SNX31: variants seen among roughly 807,000 people sequenced by gnomAD.
SNX31 encodes sorting nexin-31.
In SNX31, 58 loss-of-function variants were observed where a neutral mutation model predicts 65.4. The ratio of observed to expected loss-of-function variants is 0.89; its 90% CI spans 0.72 to 1.10. SNX31 has a LOEUF of 1.10. Ranked by LOEUF, SNX31 falls within the 50% of genes least tolerant of loss-of-function variation. The probability of loss-of-function intolerance (pLI) is 0.00; values close to 1 mark genes in which losing one functional copy is unlikely to be tolerated. For synonymous variants in SNX31, 181 were observed against 190.1 expected (o/e 0.95, Z 0.39); for missense variants, 523 against 529.7 (o/e 0.99, Z 0.12).
chr8:100,623,299 G>C (rs192598466), intron 4 of SNX31, among the ~76,000 whole-genome samples: 44 of 152,268 alleles, frequency 2.9e-4, no homozygotes, highest in African/African-American at 1.1e-3. Context: ...ACAGCAACAA[G>C]GGGGAGGGCG....
chr8:100,628,856 G>A (rs1007351145), intron 4 of SNX31, among the ~76,000 whole-genome samples: 1 of 149,760 alleles, frequency 6.7e-6, no homozygotes, highest in Non-Finnish European at 1.5e-5. Context: ...GTGTAGTCAT[G>A]TACCCCTTAA....
chr8:100,591,186 T>C (rs1814539885), intron 10 of SNX31, among the ~76,000 whole-genome samples: 4 of 152,202 alleles, frequency 2.6e-5, no homozygotes, highest in Admixed American at 2.6e-4. Context: ...AGCAGTAGGT[T>C]GGAAATTGCA....
At chr8:100,616,405 C>T (rs1393132543) in intron 5 of SNX31, among the ~76,000 whole-genome samples, 3 of 152,154 alleles carry the variant, frequency 2.0e-5, no homozygotes, top group Non-Finnish European at 4.4e-5. Context: ...CCTGCCTGGC[C>T]CCAGACACAT....
chr8:100,598,140 C>T (rs1487090678), intron 9 of SNX31, among the ~76,000 whole-genome samples: 1 of 152,224 alleles, frequency 6.6e-6, no homozygotes, highest in African/African-American at 2.4e-5. Flanking sequence ...CTCCTGATCT[C>T]ATGCTGGCAG....
At chr8:100,634,716 T>C (rs1229564715) in intron 3 of SNX31, among the ~76,000 whole-genome samples, 1 of 149,762 alleles carries the variant, frequency 6.7e-6, no homozygotes, top group Non-Finnish European at 1.5e-5. Flanking sequence ...ACCACTGCAC[T>C]CCAGCCTGGG....
At chr8:100,638,888 CA>C (rs1818958677) in intron 2 of SNX31, among the ~76,000 whole-genome samples, 1 of 152,026 alleles carries the variant, frequency 6.6e-6, no homozygotes, top group South Asian at 2.1e-4. Context: ...AATAAGATAT[CA>C]AAACACAAAA....
intron 4 of SNX31, among the ~76,000 whole-genome samples, chr8:100,623,467 C>T (rs1434863007): frequency 6.6e-6 from 1 of 152,188 alleles, no homozygotes; most frequent in Non-Finnish European, 1.5e-5. Context: ...CATCTTCAAC[C>T]TCATCCACTT....
intron 9 of SNX31, among the ~76,000 whole-genome samples, chr8:100,598,981 T>A (rs1163000884): frequency 6.6e-6 from 1 of 152,250 alleles, no homozygotes; most frequent in Non-Finnish European, 1.5e-5. Context: ...GTTAATTTCA[T>A]TCATTTCACT....
rs765125140 is a variant in SNX31, at chr8:100,649,511, T to A, written c.4A>T (p.Lys2Ter). 13 of 1,570,090 alleles carry A rather than the reference T, an allele frequency of 8.3e-6. No homozygotes were observed. In the South Asian group the frequency reaches 1.5e-4, roughly 18 times the overall value. Residue 2 changes from lysine (K) to a stop codon, truncating the protein, a stop_gained, in exon 1 of 14, where the codon AAG (lysine) becomes TAG (stop). Transcript: ENST00000311812. LOFTEE classifies it high-confidence loss of function. The stretch of plus-strand genomic sequence containing the variant: ...GACACCGGGATACAGAAATGCATCT[T>A]CATGGCTGAGCGGTGTCTTGGGAGT... M[K>*]MHFCIPVSQQ...
At chr8:100,652,746 C>T (rs1051410532), upstream of SNX31, among the ~76,000 whole-genome samples, 1 of 152,100 alleles carries the variant, frequency 6.6e-6, no homozygotes. Flanking sequence ...CTTTCCACGT[C>T]TCCTGAGTCC....
intron 3 of SNX31, among the ~76,000 whole-genome samples, chr8:100,633,600 T>A (rs1305031106): frequency 6.6e-6 from 1 of 152,082 alleles, no homozygotes; most frequent in Non-Finnish European, 1.5e-5. Flanking sequence ...AGACGGGGTT[T>A]TGCCATGTAG....
At chr8:100,595,433 C>G (rs1045757071) in intron 10 of SNX31, among the ~76,000 whole-genome samples, 4 of 152,106 alleles carry the variant, frequency 2.6e-5, no homozygotes, top group African/African-American at 9.6e-5. Context: ...CTCAGCCTCC[C>G]CAGTAGCTGG....
intron 1 of SNX31, chr8:100,657,794 C>T: frequency 2.2e-6 from 1 of 455,892 alleles, no homozygotes. Flanking sequence ...TCCCTTGAAC[C>T]TGGGAGGCAG....
At chr8:100,595,311 G>GTTTTTTTTTTTTTTT (rs765163460) in intron 10 of SNX31, among the ~76,000 whole-genome samples, 1 of 138,784 alleles carries the variant, frequency 7.2e-6, no homozygotes. Flanking sequence ...GAGGGAATTT[G>GTTTTTTTTTTTTTTT]TTGTTTTTTT....
chr8:100,649,593 G>C lies in SNX31; in HGVS notation c.-79C>G. The C allele has an allele frequency of 7.3e-7, 1 of 1,368,744 alleles. No homozygotes were observed. The allele number at this position is 1,368,744 out of a possible 1,614,324, so 84.8% of individuals were successfully genotyped here. A position where few individuals can be genotyped will look rare whatever the true frequency, so the allele number is the denominator to read the frequency against. On this transcript the variant is annotated 5_prime_UTR_variant, in exon 1 of 14. Coordinates refer to ENST00000311812, the MANE Select transcript of SNX31 (RefSeq NM_152628.4). ...GGTGCGCGGCTCTGAACTCGGCAGC[G>C]GTGGACGCAGCGCGGCCTGCCACGC...
At chr8:100,618,355 C>T (rs1459608078) in intron 4 of SNX31, 1 of 1,534,358 alleles carries the variant, frequency 6.5e-7, no homozygotes, top group African/African-American at 1.4e-5. Context: ...TTCCAAGCAT[C>T]CCTAAAGCCC....
In SNX31 at chr8:100,630,183, T is replaced by C. The variant is rs192054278; in HGVS notation, c.321+144A>G. ...GAACAAAATAGGAACCATCCCCCAATTGACTTGAAATGAATATATTTTGTC... is the reference window on the plus strand; with the variant it reads ...GAACAAAATAGGAACCATCCCCCAACTGACTTGAAATGAATATATTTTGTC... On this transcript the variant is annotated intron_variant, in intron 4 of 13. Coordinates refer to ENST00000311812, the MANE Select transcript of SNX31 (RefSeq NM_152628.4). The surrounding 1 kb of genome is among the most constrained non-coding windows in gnomAD (Gnocchi z 5.3). The C allele has an allele frequency of 1.2e-4, 80 of 671,204 alleles. No individual in the cohort carries two copies. The highest frequency in any genetic ancestry group is 1.8e-4 in the Non-Finnish European group (72 of 404,938). 41.6% of individuals were successfully genotyped at this position (671,204 alleles called of 1,614,324 possible). A position where few individuals can be genotyped will look rare whatever the true frequency, so the allele number is the denominator to read the frequency against.
chr8:100,651,892 C>T (rs1819980835), upstream of SNX31, among the ~76,000 whole-genome samples: 1 of 152,208 alleles, frequency 6.6e-6, no homozygotes, highest in South Asian at 2.1e-4. Context: ...TGATCTGCCT[C>T]TAGAGCCTGT....
rs1817989719 is a variant in SNX31, at chr8:100,625,533, G to GT, written c.321+4793dup. Among the ~76,000 whole-genome samples, 1 of 152,154 alleles carries GT rather than the reference G, an allele frequency of 6.6e-6. No homozygotes were observed. Among genetic ancestry groups the GT allele is most frequent in the African/African-American group, 2.4e-5 (1 of 41,426 alleles). ...AAAAAGAGCACATATTTTGAAAAGTGTTAAGGTTCTGGGAAGTGACTGTTA... is the reference window on the plus strand; with the variant it reads ...AAAAAGAGCACATATTTTGAAAAGTGTTTAAGGTTCTGGGAAGTGACTGTTA... On this transcript the variant is annotated intron_variant, in intron 4 of 13. Coordinates refer to ENST00000311812, the MANE Select transcript of SNX31 (RefSeq NM_152628.4). This position sits in a 1 kb window ranked among gnomAD's most constrained non-coding sequence, Gnocchi z 4.2.
Sources: allele counts gnomAD v4.1 joint callset (sites outside exome capture counted in the v4.1 genomes callset), GRCh38; gene constraint gnomAD v4.1.1; non-coding constraint Gnocchi (gnomAD v3.1); transcripts MANE v1.5; gene names NCBI Gene and HGNC (gene_info 2026-07-23, HGNC 2026-07-21).